MYOZ3: variants seen among roughly 807,000 people sequenced by gnomAD.
The protein encoded by MYOZ3 is myozenin 3, also known as myozenin-3.
MYOZ3 carries 19 observed loss-of-function variants against 26.5 expected under a neutral mutation model. That is an observed-to-expected ratio of 0.72 (90% CI 0.50 to 1.05). The LOEUF is 1.05. MYOZ3 is among the 50% of genes least tolerant of loss of function. The pLI is 0.00. For missense variants in MYOZ3, 322 were observed against 337.1 expected (o/e 0.96, Z 0.35); for synonymous variants, 135 against 138.8 (o/e 0.97, Z 0.19).
intron 2 of MYOZ3, among the ~76,000 whole-genome samples, chr5:150,666,033 T>TAA (rs61227926): frequency 0.13 from 15,126 of 115,594 alleles, 1,688 homozygotes; most frequent in African/African-American, 0.32. Context: ...GAAACTCGTC[T>TAA]AAAAAAAAAA....
intron 3 of MYOZ3, among the ~76,000 whole-genome samples, chr5:150,671,105 G>A (rs1758899917): frequency 6.6e-6 from 1 of 152,174 alleles, no homozygotes; most frequent in Non-Finnish European, 1.5e-5. Flanking sequence ...AAGGCAGCAG[G>A]CAGTTCCAGA....
chr5:150,663,399 G>T (rs1378883147), intron 2 of MYOZ3, among the ~76,000 whole-genome samples: 5 of 152,218 alleles, frequency 3.3e-5, no homozygotes, highest in African/African-American at 1.2e-4. Flanking sequence ...TCTCACCGAG[G>T]CCTCTGGGTG....
Position 150,661,884 on chromosome 5 carries a change from G to A in MYOZ3, c.-2+457G>A, listed in dbSNP as rs185459727. On this transcript the variant is annotated intron_variant, in intron 1 of 6. Transcript: ENST00000517768. ...ACACTCATGTTTACGTATAGTTTTA[G>A]GGGGTTTGTGAACACCCTAAAGCCC... Among the ~76,000 whole-genome samples, 163 of 152,304 alleles carry A rather than the reference G, an allele frequency of 1.1e-3. No individual in the cohort carries two copies. The Middle Eastern group carries it at 0.017, about 16-fold the overall frequency.
At position 150,671,616 on chromosome 5, in the gene MYOZ3, G is replaced by A; in HGVS notation, c.236G>A (p.Arg79Lys). The change falls in exon 4 of 7, where the codon AGG becomes AAG. Residue 79 changes from arginine (R) to lysine (K), a missense_variant. By Grantham distance (26) the Arg-to-Lys change is conservative. Transcript: ENST00000517768. ...TCCCAGATGCTGGCCGGAAGCGCCA[G>A]GAGGAAGGTGACTGGAACAGCGGAG... ...SQRAMLAGSA[R>K]RKVTGTAESG... The A allele has an allele frequency of 6.2e-7, 1 of 1,613,894 alleles. No homozygotes were observed. The highest frequency in any genetic ancestry group is 8.5e-7 in the Non-Finnish European group (1 of 1,179,906).
intron 6 of MYOZ3, among the ~76,000 whole-genome samples, chr5:150,674,043 A>C (rs1457244926): frequency 4.6e-5 from 7 of 152,212 alleles, no homozygotes; most frequent in Non-Finnish European, 1.0e-4. Flanking sequence ...ATCTGCCTTG[A>C]GAAGAGACAG....
At position 150,676,829 on chromosome 5, in the gene MYOZ3, T is replaced by G; in HGVS notation, c.710T>G (p.Val237Gly). The change falls in exon 7 of 7, where the codon GTG becomes GGG. Residue 237 changes from valine (V) to glycine (G), a missense_variant. By Grantham distance (109) the Val-to-Gly change is moderately radical. Coordinates refer to ENST00000517768, the MANE Select transcript of MYOZ3 (RefSeq NM_001122853.3). ...LLRLRPSFNRVAQGWVRNLPE... is the reference protein window; with the variant it reads ...LLRLRPSFNRGAQGWVRNLPE... ...CGTCTCAGACCCAGCTTCAACAGAG[T>G]GGCCCAGGGCTGGGTCCGTAACCTC... The G allele has an allele frequency of 6.2e-7, 1 of 1,613,464 alleles. No homozygotes were observed.
At chr5:150,671,553 C>A (rs757051949) in intron 3 of MYOZ3, 44 bp from the exon 4 acceptor site, 1 of 1,609,126 alleles carries the variant, frequency 6.2e-7, no homozygotes. Flanking sequence ...GGTCCCCTGC[C>A]CCGCTGAGCT....
chr5:150,665,990 A>G (rs58079486), intron 2 of MYOZ3, among the ~76,000 whole-genome samples: 20,393 of 149,392 alleles, frequency 0.14, 2,616 homozygotes, highest in African/African-American at 0.35. Context: ...AGCCGAGATC[A>G]TGCCATTGCA....
In MYOZ3 at chr5:150,676,878, CT is replaced by C. The variant is rs1174362353; in HGVS notation, c.*4del. On this transcript the variant is annotated 3_prime_UTR_variant, in exon 7 of 7. Transcript: ENST00000517768. ...TCCCAGAGTCCGAGGAGCTGTAGCC[CT>C]AGCCTGAATCTTCAGTTCCCCAGTC... 6.2e-7 allele frequency: 1 copy of C among 1,605,674 alleles called. No individual in the cohort carries two copies.
intron 6 of MYOZ3, 174 bp downstream of exon 6, chr5:150,672,676 C>A: frequency 2.9e-6 from 2 of 687,934 alleles, no homozygotes; most frequent in Non-Finnish European, 4.8e-6. Flanking sequence ...CTGGTAGGTG[C>A]TCAGTTAACG....
rs538023804 is a variant in MYOZ3, at chr5:150,667,397, C to T, written c.62-3087C>T. Among the ~76,000 whole-genome samples, 8 of 152,276 alleles carry T rather than the reference C, an allele frequency of 5.3e-5. No individual in the cohort carries two copies. In the South Asian group the frequency reaches 6.2e-4, roughly 12 times the overall value. On this transcript the variant is annotated intron_variant, in intron 2 of 6. Coordinates refer to ENST00000517768, the MANE Select transcript of MYOZ3 (RefSeq NM_001122853.3). ...GAAGAGAACATCTGCAAGCATCCTC[C>T]GCCACATCTGTCTACTTGCTTGCAT...
chr5:150,666,628 A>ATATAT (rs1308366694), intron 2 of MYOZ3, among the ~76,000 whole-genome samples: 1 of 133,160 alleles, frequency 7.5e-6, no homozygotes, highest in African/African-American at 3.0e-5. Context: ...AAAAAAAAAA[A>ATATAT]AAATATATAT....
At chr5:150,664,804 A>G (rs1000271841) in intron 2 of MYOZ3, among the ~76,000 whole-genome samples, 1 of 152,230 alleles carries the variant, frequency 6.6e-6, no homozygotes, top group Non-Finnish European at 1.5e-5. Flanking sequence ...TTTTAAAAAA[A>G]AAATTCACTT....
chr5:150,661,565 T>C (rs2151441605), intron 1 of MYOZ3, 138 bp downstream of exon 1: 1 of 152,286 alleles, frequency 6.6e-6, no homozygotes, highest in South Asian at 2.1e-4. Flanking sequence ...CAAGCCTCGA[T>C]CCTGGTTTGG....
In MYOZ3 at chr5:150,672,604, G is replaced by A. The variant is rs1758939514; in HGVS notation, c.587+102G>A. 3 of 1,362,196 alleles carry A rather than the reference G, an allele frequency of 2.2e-6. No individual in the cohort carries two copies. The Admixed American group carries it at 8.5e-5, about 38-fold the overall frequency. The allele number at this position is 1,362,196 out of a possible 1,614,324, so 84.4% of individuals were successfully genotyped here. The stretch of plus-strand genomic sequence containing the variant: ...TTTCCTGAGCACTTTCTGCAGGCCA[G>A]GCTCTGTCCCCAGCGCTTTCTATTC... On this transcript the variant is annotated intron_variant, in intron 6 of 6. Transcript: ENST00000517768.
chr5:150,673,635 C>T (rs1184770127), intron 6 of MYOZ3, among the ~76,000 whole-genome samples: 1 of 152,152 alleles, frequency 6.6e-6, no homozygotes, highest in East Asian at 1.9e-4. Context: ...CCACCGCCCC[C>T]GGCGTATTAT....
In MYOZ3 at chr5:150,672,321, C is replaced by T. The variant is rs1442019605; in HGVS notation, c.425-19C>T. 2 of 1,581,988 alleles carry T rather than the reference C, an allele frequency of 1.3e-6. No individual in the cohort carries two copies. Among genetic ancestry groups the T allele is most frequent in the African/African-American group, 2.7e-5 (2 of 74,548 alleles). On this transcript the variant is annotated intron_variant, in intron 5 of 6. Transcript: ENST00000517768. ...GAGGGTGGAAGAACGGAGGCGCTCC[C>T]TTCCCCCCGCGCCCCTAGGCTATGC...
In MYOZ3 at chr5:150,677,531, T is replaced by C. The variant is rs1317820562; in HGVS notation, c.*656T>C. Reference sequence around the variant, plus strand: ...AGTCCACATCCACACCTCTGCTCTTTCCTGTTCCTGTAGTGTACACTCCCC... The same window carrying C: ...AGTCCACATCCACACCTCTGCTCTTCCCTGTTCCTGTAGTGTACACTCCCC... On this transcript the variant is annotated 3_prime_UTR_variant, in exon 7 of 7. Transcript: ENST00000517768. The C allele has an allele frequency of 6.6e-6, 1 of 152,386 alleles. No homozygotes were observed. The highest frequency in any genetic ancestry group is 1.5e-5 in the Non-Finnish European group (1 of 68,094). The allele number at this position is 152,386 out of a possible 1,614,324, so 9.4% of individuals were successfully genotyped here.
chr5:150,665,861 C>A (rs971310828), intron 2 of MYOZ3, among the ~76,000 whole-genome samples: 3 of 151,764 alleles, frequency 2.0e-5, no homozygotes, highest in Admixed American at 1.3e-4. Flanking sequence ...CATGGAGAAA[C>A]CCCATCTCTA....
Sources: gnomAD v4.1 joint callset for allele counts (sites outside exome capture counted in the v4.1 genomes callset) on GRCh38, gnomAD v4.1.1 for gene constraint, MANE v1.5 for transcripts, NCBI Gene and HGNC (gene_info 2026-07-23, HGNC 2026-07-21) for gene names.